The following STK24 variants were observed in gnomAD, a reference collection of about 807,000 sequenced individuals.
STK24 encodes serine/threonine kinase 24.
A neutral mutation model predicts 55.6 loss-of-function variants in STK24; 21 were observed. The ratio of observed to expected loss-of-function variants is 0.38; its 90% CI spans 0.27 to 0.54. The LOEUF (loss-of-function observed/expected upper bound fraction) is 0.54. Among genes scored for constraint, STK24 ranks in the 20% least tolerant of loss-of-function variants. STK24 has a pLI of 0.79. For synonymous variants in STK24, 200 were observed against 215.2 expected, an observed-to-expected ratio of 0.93 and a Z score of 0.62; for missense variants, 383 against 538.4, an observed-to-expected ratio of 0.71 and a Z score of 2.86.
intron 1 of STK24, among the ~76,000 whole-genome samples, chr13:98,545,812 A>C (rs1897015387): frequency 6.6e-6 from 1 of 152,218 alleles, no homozygotes; most frequent in South Asian, 2.1e-4. Flanking sequence ...ATCCTGAATT[A>C]TATTACACCA....
chr13:98,518,697 C>A (rs1896155813), intron 2 of STK24, among the ~76,000 whole-genome samples: 1 of 152,144 alleles, frequency 6.6e-6, no homozygotes, highest in Non-Finnish European at 1.5e-5. Flanking sequence ...AACAGAGTGG[C>A]AGTGCAGGAC....
At position 98,461,799 on chromosome 13, in the gene STK24, T is replaced by C. The variant is rs781150359; in HGVS notation, c.1028A>G (p.Gln343Arg). Residue 343 changes from glutamine to arginine, a missense_variant, in exon 8 of 11, where the codon CAG (glutamine) becomes CGG (arginine). Gln to Arg is a conservative substitution (Grantham distance 43). Coordinates refer to ENST00000539966, the MANE Select transcript of STK24 (RefSeq NM_001032296.4). Reference sequence around the variant, plus strand: ...CTTATTTCTGTCCAAGTCCGATGGCTGAAGAGCTCCATTCTCGAGATTCTT... The same window carrying C: ...CTTATTTCTGTCCAAGTCCGATGGCCGAAGAGCTCCATTCTCGAGATTCTT... ...DPKNLENGAL[Q>R]PSDLDRNKMK... 3 of 1,614,150 alleles carry C rather than the reference T, an allele frequency of 1.9e-6. No homozygotes were observed. The highest frequency in any genetic ancestry group is 1.7e-5 in the Admixed American group (1 of 60,032).
chr13:98,473,847 G>A (rs966607655), intron 5 of STK24, among the ~76,000 whole-genome samples: 16 of 152,224 alleles, frequency 1.1e-4, no homozygotes, highest in African/African-American at 2.9e-4. Context: ...AGCTTGCAAC[G>A]GTGACCTGGG....
chr13:98,453,239 C>A, intron 10 of STK24, 30 bp from the exon 11 acceptor site: 1 of 1,608,294 alleles, frequency 6.2e-7, no homozygotes, highest in South Asian at 1.1e-5. Flanking sequence ...GAGAAGTCAA[C>A]ACATGTCATT....
chr13:98,540,851 G>A lies in STK24; in HGVS notation c.43-21378C>T, dbSNP rs977431946. On this transcript the variant is annotated intron_variant, in intron 1 of 10. Coordinates refer to ENST00000539966, the MANE Select transcript of STK24 (RefSeq NM_001032296.4). ...CAAGAGTTTTGCCTAGGCCTTTCCT[G>A]GGCCTTAAAGCATGACAAAATAACC... Among the ~76,000 whole-genome samples, 16 of 149,092 alleles carry A rather than the reference G, an allele frequency of 1.1e-4. 1 individual carries two copies. The highest frequency in any genetic ancestry group is 8.7e-4 in the Admixed American group (13 of 14,972).
At chr13:98,457,446 T>C (rs1594569340) in intron 9 of STK24, 142 bp from the exon 10 acceptor site, 4 of 821,338 alleles carry the variant, frequency 4.9e-6, no homozygotes, top group Non-Finnish European at 7.4e-6. Context: ...TGGCTAGGGC[T>C]CCAGGCCACT....
chr13:98,569,253 T>A (rs1851498250), intron 1 of STK24, among the ~76,000 whole-genome samples: 1 of 151,962 alleles, frequency 6.6e-6, no homozygotes, highest in African/African-American at 2.4e-5. Context: ...GAAATGAATG[T>A]CCACCCTGCA....
intron 1 of STK24, among the ~76,000 whole-genome samples, chr13:98,562,548 G>A (rs1897452023): frequency 6.6e-6 from 1 of 152,188 alleles, no homozygotes; most frequent in Admixed American, 6.5e-5. Flanking sequence ...ACTCTCATTT[G>A]ATTGCTATAG....
At chr13:98,506,627 G>A (rs775164529) in intron 2 of STK24, among the ~76,000 whole-genome samples, 2 of 152,194 alleles carry the variant, frequency 1.3e-5, no homozygotes, top group Non-Finnish European at 2.9e-5. Context: ...GGACAGACTT[G>A]TGGACCCTGG....
Position 98,446,405 on chromosome 13 carries a change from A to G in STK24, c.*6768T>C. On this transcript the variant is annotated 3_prime_UTR_variant, in exon 11 of 11. Transcript: ENST00000539966. ...TGACATTATCATCCACTGAAGGACA[A>G]CTTCTGCCCTAGGAAGGGCCACCTG... 4 of 600,610 alleles carry G rather than the reference A, an allele frequency of 6.7e-6. No individual in the cohort carries two copies. The South Asian group carries it at 8.0e-5, about 12-fold the overall frequency. The allele number at this position is 600,610 out of a possible 1,614,324, so 37.2% of individuals were successfully genotyped here.
chr13:98,527,633 C>T (rs1056559503), intron 1 of STK24, among the ~76,000 whole-genome samples: 3 of 152,156 alleles, frequency 2.0e-5, no homozygotes, highest in Non-Finnish European at 4.4e-5. Context: ...GTGCCTTGAA[C>T]GACTGGGGAG....
chr13:98,559,334 G>A (rs904227586), intron 1 of STK24, among the ~76,000 whole-genome samples: 5 of 152,024 alleles, frequency 3.3e-5, no homozygotes, highest in Admixed American at 1.3e-4. Context: ...CATCCTCTTC[G>A]CATGACACTA....
intron 2 of STK24, among the ~76,000 whole-genome samples, chr13:98,491,291 T>TG (rs1405505100): frequency 3.2e-4 from 48 of 152,196 alleles, no homozygotes; most frequent in African/African-American, 1.1e-3. Flanking sequence ...GGTATGAGCA[T>TG]GGGGTAGGGG....
chr13:98,492,237 T>C (rs1299739042), intron 2 of STK24, among the ~76,000 whole-genome samples: 1 of 152,016 alleles, frequency 6.6e-6, no homozygotes, highest in African/African-American at 2.4e-5. Flanking sequence ...CACAACATAA[T>C]GCCAAAATCA....
At chr13:98,567,959 G>T (rs987089117) in intron 1 of STK24, among the ~76,000 whole-genome samples, 1 of 149,278 alleles carries the variant, frequency 6.7e-6, no homozygotes, top group African/African-American at 2.5e-5. Context: ...GGGGTGGGGA[G>T]TAGAGGAAGA....
chr13:98,453,401 ACAAAAACTC>A, intron 10 of STK24, 192 bp from the exon 11 acceptor site: 1 of 605,458 alleles, frequency 1.7e-6, no homozygotes, highest in Non-Finnish European at 2.8e-6. Flanking sequence ...TGATTCTTAC[ACAAAAACTC>A]CAGAGCATGT....
At position 98,446,299 on chromosome 13, in the gene STK24, T is replaced by C. The variant is rs1355488364; in HGVS notation, c.*6874A>G. The C allele has an allele frequency of 3.8e-6, 3 of 790,496 alleles. No individual in the cohort carries two copies. Among genetic ancestry groups the C allele is most frequent in the Non-Finnish European group, 6.3e-6 (3 of 473,216 alleles). The allele number at this position is 790,496 out of a possible 1,614,324, so 49.0% of individuals were successfully genotyped here. On this transcript the variant is annotated 3_prime_UTR_variant, in exon 11 of 11. Transcript: ENST00000539966. ...CCTCCTCTGGAATGACTCAGGCCTC[T>C]TGGGCTCCAGGTGTCACGGGGATGA... is the stretch of plus-strand genomic sequence containing the variant.
chr13:98,482,579 T>C (rs1894637128), intron 2 of STK24, among the ~76,000 whole-genome samples: 1 of 152,188 alleles, frequency 6.6e-6, no homozygotes, highest in Non-Finnish European at 1.5e-5. Context: ...GGGCATGCGT[T>C]CCACCGACTG....
At position 98,447,215 on chromosome 13, in the gene STK24, G is replaced by C. The variant is rs114643063; in HGVS notation, c.*5958C>G. On this transcript the variant is annotated 3_prime_UTR_variant, in exon 11 of 11. Transcript: ENST00000539966. ...GTTCCTGCAATTCATATTTTGAATA[G>C]AGATCCTGGGCCTCTGCAAATTGCA... is the stretch of plus-strand genomic sequence containing the variant. 8.2e-3 allele frequency: 1,328 copies of C among 161,960 alleles called. 20 individuals are homozygous for C. The highest frequency in any genetic ancestry group is 0.03 in the African/African-American group (1,273 of 41,900). The allele number at this position is 161,960 out of a possible 1,614,324, so 10.0% of individuals were successfully genotyped here.
Sources: gnomAD v4.1 joint callset for allele counts (sites outside exome capture counted in the v4.1 genomes callset) on GRCh38, gnomAD v4.1.1 for gene constraint, MANE v1.5 for transcripts, NCBI Gene and HGNC (gene_info 2026-07-23, HGNC 2026-07-21) for gene names.